VASH2: variants seen among roughly 807,000 people sequenced by gnomAD.
VASH2 encodes the protein tubulinyl-Tyr carboxypeptidase 2.
A neutral mutation model predicts 37.2 loss-of-function variants in VASH2; 28 were observed. The ratio of observed to expected loss-of-function variants is 0.75; its 90% CI spans 0.56 to 1.03. The LOEUF (loss-of-function observed/expected upper bound fraction) is 1.03. VASH2 is among the 50% of genes least tolerant of loss of function. The pLI, the probability that VASH2 is intolerant of heterozygous loss-of-function variation, is 0.00. For synonymous variants in VASH2, 188 were observed against 174.7 expected, an observed-to-expected ratio of 1.08 and a Z score of -0.60; for missense variants, 419 against 459.1, an observed-to-expected ratio of 0.91 and a Z score of 0.80.
chr1:212,985,985 T>C (rs1667465919), intron 7 of VASH2, among the ~76,000 whole-genome samples: 1 of 152,212 alleles, frequency 6.6e-6, no homozygotes, highest in Admixed American at 6.5e-5. Flanking sequence ...ACGGGTGTTT[T>C]ATACTAAAGA....
At chr1:212,978,835 G>A (rs191777849) in intron 7 of VASH2, among the ~76,000 whole-genome samples, 9 of 152,248 alleles carry the variant, frequency 5.9e-5, no homozygotes, top group African/African-American at 2.2e-4. Flanking sequence ...TCTTGGTGGC[G>A]GAAACCCTTG....
At position 212,985,033 on chromosome 1, in the gene VASH2, C is replaced by CT. The variant is rs1200608278; in HGVS notation, c.996-3473dup. Among the ~76,000 whole-genome samples the CT allele has an allele frequency of 4.0e-5, 6 of 151,262 alleles. No individual in the cohort carries two copies. The East Asian group carries it at 1.2e-3, about 29-fold the overall frequency. ...CTTAAACATAATTCACTTTTTTTTT[C>CT]TTTTTTGAGATAGGGTCTTGCTTTG... On this transcript the variant is annotated intron_variant, in intron 7 of 7. Coordinates refer to ENST00000517399, the MANE Select transcript of VASH2 (RefSeq NM_001301056.2).
chr1:212,959,032 G>A (rs963622785), intron 2 of VASH2, among the ~76,000 whole-genome samples: 7 of 152,138 alleles, frequency 4.6e-5, no homozygotes, highest in East Asian at 1.9e-4. Flanking sequence ...CCCGACCTGC[G>A]TATGTCTTAA....
intron 5 of VASH2, chr1:212,967,424 AT>A: frequency 8.4e-7 from 1 of 1,186,964 alleles, no homozygotes; most frequent in Non-Finnish European, 1.1e-6. Context: ...TATGGGATGG[AT>A]GGCTGTAAGG....
chr1:212,951,479 CGCCGCCGCCGCCGCT>C lies in VASH2; in HGVS notation c.-52_-38del. 1.0e-6 allele frequency: 1 copy of C among 959,558 alleles called. No homozygotes were observed. The highest frequency in any genetic ancestry group is 1.3e-6 in the Non-Finnish European group (1 of 777,144). The allele number at this position is 959,558 out of a possible 1,614,324, so 59.4% of individuals were successfully genotyped here. ...GCCGCGCCCGCGCGCACACGCCCCC[CGCCGCCGCCGCCGCT>C]GCCGCCGCCGCGCGCCCCCAGTACC... is the stretch of plus-strand genomic sequence containing the variant. On this transcript the variant is annotated 5_prime_UTR_variant, in exon 2 of 8. Coordinates refer to ENST00000517399, the MANE Select transcript of VASH2 (RefSeq NM_001301056.2). The surrounding 1 kb of genome is among the most constrained non-coding windows in gnomAD (Gnocchi z 4.4).
chr1:212,961,113 G>T, intron 2 of VASH2, 53 bp from the exon 3 acceptor site: 1 of 1,577,498 alleles, frequency 6.3e-7, no homozygotes, highest in Admixed American at 1.7e-5. Context: ...CCCAGAAGCT[G>T]GGCCCCAGAG....
At chr1:212,978,412 G>A (rs1558150983) in intron 7 of VASH2, among the ~76,000 whole-genome samples, 1 of 152,152 alleles carries the variant, frequency 6.6e-6, no homozygotes. Flanking sequence ...GGTCACTCGA[G>A]GTCAGGAAGG....
rs772583216 is a variant in VASH2, at chr1:212,972,973, G to C, written c.879+12G>C. 1.3e-5 allele frequency: 21 copies of C among 1,605,002 alleles called. No individual in the cohort carries two copies. The highest frequency in any genetic ancestry group is 1.8e-5 in the Non-Finnish European group (21 of 1,179,674). ...ACATGAGAATGAAGGTGGGTGCTGG[G>C]AAGACAAGGAAGCCATGCAGGAGAG... On this transcript the variant is annotated intron_variant, in intron 6 of 7. Coordinates refer to ENST00000517399, the MANE Select transcript of VASH2 (RefSeq NM_001301056.2).
intron 2 of VASH2, among the ~76,000 whole-genome samples, chr1:212,956,973 C>T (rs894514508): frequency 3.9e-5 from 6 of 152,188 alleles, no homozygotes; most frequent in East Asian, 1.9e-4. Flanking sequence ...CATCTCCAGA[C>T]GTTTTTCATC....
intron 6 of VASH2, 172 bp from the exon 7 acceptor site, chr1:212,973,783 G>C: frequency 7.2e-7 from 1 of 1,394,674 alleles, no homozygotes; most frequent in Non-Finnish European, 9.3e-7. Context: ...AGTACAGGAC[G>C]AGAGAGGAAT....
At position 212,976,954 on chromosome 1, in the gene VASH2, G is replaced by T. The variant is rs79439267; in HGVS notation, c.995+2884G>T. Among the ~76,000 whole-genome samples the T allele has an allele frequency of 1.9e-3, 291 of 152,374 alleles. 8 individuals are homozygous for T. The East Asian group carries it at 0.047, about 25-fold the overall frequency. On this transcript the variant is annotated intron_variant, in intron 7 of 7. Transcript: ENST00000517399. Reference sequence around the variant, plus strand: ...ACTGGGGGAAGCACAGGAGCACAGAGGTGATGGCTCAGGGCTCAGCAGTGA... The same window carrying T: ...ACTGGGGGAAGCACAGGAGCACAGATGTGATGGCTCAGGGCTCAGCAGTGA...
intron 7 of VASH2, among the ~76,000 whole-genome samples, chr1:212,985,996 A>G (rs1667466240): frequency 6.6e-6 from 1 of 152,190 alleles, no homozygotes; most frequent in Admixed American, 6.5e-5. Context: ...ATACTAAAGA[A>G]GGGAAGAATG....
intron 7 of VASH2, among the ~76,000 whole-genome samples, chr1:212,975,604 C>T (rs944992717): frequency 3.9e-5 from 6 of 152,254 alleles, no homozygotes; most frequent in African/African-American, 1.2e-4. Context: ...CATCCATTAA[C>T]TGCTGTCATC....
Position 212,951,805 on chromosome 1 carries a change from C to T in VASH2, c.263C>T (p.Ala88Val), listed in dbSNP as rs749272646. 18 of 1,605,156 alleles carry T rather than the reference C, an allele frequency of 1.1e-5. 1 individual carries two copies. In the Middle Eastern group the frequency reaches 8.2e-4, roughly 73 times the overall value. ...ATGGTGGGCGCCATCAGGAACGCCG[C>T]CTTCTTGGCAAAGGTCAGTGGCTTC... is the stretch of plus-strand genomic sequence containing the variant. ...GEMVGAIRNA[A>V]FLAKPSIPQV... Residue 88 changes from alanine (A) to valine (V), a missense_variant, in exon 2 of 8, where the codon GCC (alanine) becomes GTC (valine). By Grantham distance (64) the Ala-to-Val change is moderately conservative. Coordinates refer to ENST00000517399, the MANE Select transcript of VASH2 (RefSeq NM_001301056.2). This position sits in a 1 kb window ranked among gnomAD's most constrained non-coding sequence, Gnocchi z 4.4.
rs1182716628 is a variant in VASH2 at position 212,974,001 on chromosome 1, G to A, written c.926G>A (p.Arg309Gln). Reference protein sequence around the residue: ...SAHSPTQVRSRGKSLSPRRRQ... With the variant: ...SAHSPTQVRSQGKSLSPRRRQ... ...CACTCTCCGACCCAAGTGAGAAGCC[G>A]GGGAAAATCCCTGTCCCCCAGAAGG... Residue 309 changes from arginine (R) to glutamine (Q), a missense_variant, in exon 7 of 8, where the codon CGG (arginine) becomes CAG (glutamine). Transcript: ENST00000517399. 15 of 1,613,790 alleles carry A rather than the reference G, an allele frequency of 9.3e-6. No homozygotes were observed. The highest frequency in any genetic ancestry group is 1.7e-5 in the Admixed American group (1 of 59,994).
rs772850844 is a variant in VASH2 at position 212,951,841 on chromosome 1, T to C, written c.276+23T>C. 6.3e-7 allele frequency: 1 copy of C among 1,588,208 alleles called. No homozygotes were observed. Among genetic ancestry groups the C allele is most frequent in the East Asian group, 2.3e-5 (1 of 44,316 alleles). ...AAGGTCAGTGGCTTCCAGGGCGGAG[T>C]TGGGGGGCTGGGGGTAGGTAGGCAG... On this transcript the variant is annotated intron_variant, in intron 2 of 7. Transcript: ENST00000517399. The surrounding 1 kb of genome is among the most constrained non-coding windows in gnomAD (Gnocchi z 4.4).
At chr1:212,973,010 T>G (rs1558148745) in intron 6 of VASH2, 49 bp downstream of exon 6, 1 of 1,573,010 alleles carries the variant, frequency 6.4e-7, no homozygotes, top group South Asian at 1.2e-5. Flanking sequence ...TCTTTTCCCA[T>G]TCCTTTCTCT....
intron 5 of VASH2, among the ~76,000 whole-genome samples, chr1:212,970,123 G>C (rs1666966987): frequency 6.6e-6 from 1 of 152,192 alleles, no homozygotes; most frequent in East Asian, 1.9e-4. Flanking sequence ...ATGAGAGGCA[G>C]GTTAGGAATA....
rs914380336 is a variant in VASH2 at position 212,988,667 on chromosome 1, A to G, written c.*83A>G. Reference sequence around the variant, plus strand: ...AGCATCTTCAGGAGGAACTGCAACTATTTATTAAGAACTTGTGAATTTTAT... The same window carrying G: ...AGCATCTTCAGGAGGAACTGCAACTGTTTATTAAGAACTTGTGAATTTTAT... On this transcript the variant is annotated 3_prime_UTR_variant, in exon 8 of 8. Coordinates refer to ENST00000517399, the MANE Select transcript of VASH2 (RefSeq NM_001301056.2). 4.6e-5 allele frequency: 62 copies of G among 1,355,754 alleles called. No homozygotes were observed. Among genetic ancestry groups the G allele is most frequent in the African/African-American group, 3.0e-4 (21 of 69,286 alleles). 84.0% of individuals were successfully genotyped at this position (1,355,754 alleles called of 1,614,324 possible).
Sources: allele counts gnomAD v4.1 joint callset (sites outside exome capture counted in the v4.1 genomes callset), GRCh38; gene constraint gnomAD v4.1.1; non-coding constraint Gnocchi (gnomAD v3.1); transcripts MANE v1.5; gene names NCBI Gene and HGNC (gene_info 2026-07-23, HGNC 2026-07-21).